Variants in ARHGEF28 observed in about 807,000 individuals in gnomAD.
The protein encoded by ARHGEF28 is Rho guanine nucleotide exchange factor 28, also known as 190 kDa guanine nucleotide exchange factor.
A neutral mutation model predicts 206.6 loss-of-function variants in ARHGEF28; 152 were observed. The observed-to-expected ratio is 0.74, with a 90% CI of 0.64 to 0.84. The LOEUF (loss-of-function observed/expected upper bound fraction) is 0.84. Ranked by LOEUF, ARHGEF28 falls within the 40% of genes least tolerant of loss-of-function variation. The pLI, the probability that ARHGEF28 is intolerant of heterozygous loss-of-function variation, is 0.00. For missense variants in ARHGEF28, 2,028 were observed against 2,073.2 expected, an observed-to-expected ratio of 0.98 and a Z score of 0.42; for synonymous variants, 763 against 776.4, an observed-to-expected ratio of 0.98 and a Z score of 0.29.
At chr5:73,929,951 C>A (rs546383100) in intron 35 of ARHGEF28, among the ~76,000 whole-genome samples, 1 of 150,702 alleles carries the variant, frequency 6.6e-6, no homozygotes, top group Non-Finnish European at 1.5e-5. Flanking sequence ...TTCATACATG[C>A]GACACAAATT....
At chr5:73,631,235 T>C (rs1412535759) in intron 1 of ARHGEF28, among the ~76,000 whole-genome samples, 1 of 152,218 alleles carries the variant, frequency 6.6e-6, no homozygotes, top group Non-Finnish European at 1.5e-5. Flanking sequence ...AGAGGTTTCA[T>C]TGGGCTGGAT....
rs547654955 is a variant in ARHGEF28, at chr5:73,676,435, C to T, written c.-11-8406C>T. Among the ~76,000 whole-genome samples, 9 of 152,182 alleles carry T rather than the reference C, an allele frequency of 5.9e-5. No homozygotes were observed. In the South Asian group the frequency reaches 1.0e-3, roughly 18 times the overall value. On this transcript the variant is annotated intron_variant, in intron 1 of 35. Coordinates refer to ENST00000513042, the MANE Select transcript of ARHGEF28 (RefSeq NM_001177693.2). ...TATTATTTTAGTAGAGATGGGGCTT[C>T]GCCATGTTGGCCAGACTGGTCTCGA...
At chr5:73,741,424 T>C (rs1223168044) in intron 2 of ARHGEF28, among the ~76,000 whole-genome samples, 2 of 32,114 alleles carry the variant, frequency 6.2e-5, no homozygotes, top group Admixed American at 5.4e-4. Context: ...TATATATATA[T>C]ATATATATAT....
At chr5:73,922,711 G>A (rs910062887) in intron 35 of ARHGEF28, among the ~76,000 whole-genome samples, 17 of 152,122 alleles carry the variant, frequency 1.1e-4, no homozygotes, top group Admixed American at 4.6e-4. Context: ...GAACATGGAA[G>A]TTTAATATAT....
intron 2 of ARHGEF28, among the ~76,000 whole-genome samples, chr5:73,696,421 C>T (rs1457616899): frequency 1.3e-5 from 2 of 152,158 alleles, no homozygotes; most frequent in Non-Finnish European, 2.9e-5. Context: ...TTGCTTCCTT[C>T]CCCTTTGTAT....
chr5:73,874,002 T>C (rs1004906424), intron 22 of ARHGEF28, among the ~76,000 whole-genome samples: 1 of 152,220 alleles, frequency 6.6e-6, no homozygotes, highest in African/African-American at 2.4e-5. Flanking sequence ...ACTGTACAAG[T>C]AATCCAGTTT....
At chr5:73,657,125 A>T (rs1745263840) in intron 1 of ARHGEF28, among the ~76,000 whole-genome samples, 1 of 144,310 alleles carries the variant, frequency 6.9e-6, no homozygotes. Context: ...GTGAGCCGAG[A>T]TTGCGCCACT....
At chr5:73,930,291 A>G (rs1393413536) in intron 35 of ARHGEF28, among the ~76,000 whole-genome samples, 1 of 152,224 alleles carries the variant, frequency 6.6e-6, no homozygotes. Context: ...AAATTTGCCC[A>G]TATGCTGGGC....
chr5:73,932,760 G>A (rs35260216), intron 35 of ARHGEF28, among the ~76,000 whole-genome samples: 43 of 147,254 alleles, frequency 2.9e-4, no homozygotes, highest in African/African-American at 7.0e-4. Context: ...CATTTACTTC[G>A]GTAGTTTTGG....
intron 10 of ARHGEF28, among the ~76,000 whole-genome samples, chr5:73,834,540 TC>T (rs1757489385): frequency 1.1e-5 from 1 of 94,610 alleles, no homozygotes; most frequent in Non-Finnish European, 2.2e-5. Context: ...TGAATAATAT[TC>T]CTGTGTGTGT....
intron 4 of ARHGEF28, among the ~76,000 whole-genome samples, chr5:73,758,382 A>C (rs1352368006): frequency 6.6e-6 from 1 of 152,218 alleles, no homozygotes; most frequent in South Asian, 2.1e-4. Flanking sequence ...ATTTTTTGCC[A>C]GAGTAAATTA....
chr5:73,874,650 T>C (rs950108293), intron 22 of ARHGEF28, among the ~76,000 whole-genome samples: 2 of 147,592 alleles, frequency 1.4e-5, no homozygotes, highest in African/African-American at 2.5e-5. Flanking sequence ...TTCCCATCTA[T>C]GAGTGAGAAC....
chr5:73,802,166 A>G lies in ARHGEF28; in HGVS notation c.1024+6775A>G, dbSNP rs576722574. On this transcript the variant is annotated intron_variant, in intron 9 of 35. Transcript: ENST00000513042. ...TGGGAAATAGGCAAACTTTGGGGGGAAAAAGTGTTGAAAGAATTTCCTAAC... is the reference window on the plus strand; with the variant it reads ...TGGGAAATAGGCAAACTTTGGGGGGGAAAAGTGTTGAAAGAATTTCCTAAC... Among the ~76,000 whole-genome samples, 24 of 152,318 alleles carry G rather than the reference A, an allele frequency of 1.6e-4. No homozygotes were observed. In the East Asian group the frequency reaches 2.7e-3, roughly 17 times the overall value.
chr5:73,876,220 TTGTC>T (rs1184063224), intron 22 of ARHGEF28, among the ~76,000 whole-genome samples: 2 of 134,466 alleles, frequency 1.5e-5, no homozygotes, highest in African/African-American at 5.9e-5. Flanking sequence ...GGCTCTCTGT[TTGTC>T]TGTTATTGGT....
In ARHGEF28 at chr5:73,909,713, G is replaced by A. The variant is rs1365550671; in HGVS notation, c.4463G>A (p.Arg1488Gln). 2.0e-6 allele frequency: 3 copies of A among 1,526,026 alleles called. No individual in the cohort carries two copies. The highest frequency in any genetic ancestry group is 1.8e-6 in the Non-Finnish European group (2 of 1,135,600). The allele number at this position is 1,526,026 out of a possible 1,614,324, so 94.5% of individuals were successfully genotyped here. A position where few individuals can be genotyped will look rare whatever the true frequency, so the allele number is the denominator to read the frequency against. Residue 1488 changes from arginine (R) to glutamine (Q), a missense_variant, in exon 34 of 36, where the codon CGG becomes CAG. Physicochemically the swap from Arg to Gln is conservative, Grantham distance 43. Around this residue, in one of 3 missense-constraint regions of ARHGEF28, gnomAD observed 803 missense variants for 768.0 expected, o/e 1.05. Transcript: ENST00000513042. ...CAGTCGCAGGAGGAGCTGCTGCTGC[G>A]GAGCCGGGGCGAGCTGGACCTCCAG... The part of the protein sequence containing the change: ...ECQSQEELLL[R>Q]SRGELDLQLQ...
At chr5:73,858,641 A>G (rs1160524387) in intron 16 of ARHGEF28, among the ~76,000 whole-genome samples, 1 of 152,150 alleles carries the variant, frequency 6.6e-6, no homozygotes, top group African/African-American at 2.4e-5. Flanking sequence ...TTCAGAAAAC[A>G]TATAAAACCA....
At chr5:73,866,058 A>G (rs764315777) in intron 18 of ARHGEF28, 45 bp downstream of exon 18, 4 of 1,396,098 alleles carry the variant, frequency 2.9e-6, no homozygotes, top group African/African-American at 2.9e-5. Flanking sequence ...AATTTAATAC[A>G]TACTATACAT....
At chr5:73,723,456 G>A (rs1750085829) in intron 2 of ARHGEF28, among the ~76,000 whole-genome samples, 1 of 152,176 alleles carries the variant, frequency 6.6e-6, no homozygotes, top group African/African-American at 2.4e-5. Context: ...AAAGTGTTGG[G>A]ATTACAGGCG....
chr5:73,922,174 T>C (rs1763556883), intron 35 of ARHGEF28, among the ~76,000 whole-genome samples: 1 of 152,246 alleles, frequency 6.6e-6, no homozygotes, highest in South Asian at 2.1e-4. Flanking sequence ...GCTGTCATCA[T>C]AGGATTCTAT....
Sources: allele counts gnomAD v4.1 joint callset (sites outside exome capture counted in the v4.1 genomes callset), GRCh38; gene constraint gnomAD v4.1.1; regional missense constraint gnomAD v4.1.1; transcripts MANE v1.5; gene names NCBI Gene and HGNC (gene_info 2026-07-23, HGNC 2026-07-21).